SSBP2: variants seen among roughly 807,000 people sequenced by gnomAD.
SSBP2 encodes single stranded DNA binding protein 2.
SSBP2 carries 17 observed loss-of-function variants against 61.8 expected under a neutral mutation model. The ratio of observed to expected loss-of-function variants is 0.28; its 90% confidence interval spans 0.19 to 0.41. SSBP2 has a LOEUF of 0.41. Among genes scored for constraint, SSBP2 ranks in the 10% least tolerant of loss-of-function variants. SSBP2 has a pLI of 1.00. For synonymous variants in SSBP2, 139 were observed against 141.3 expected (o/e 0.98, Z 0.12); for missense variants, 310 against 458.7 (o/e 0.68, Z 2.96).
intron 9 of SSBP2, among the ~76,000 whole-genome samples, chr5:81,461,884 C>CTTT (rs1764570105): frequency 6.6e-6 from 1 of 152,164 alleles, no homozygotes; most frequent in Non-Finnish European, 1.5e-5. Flanking sequence ...CTCTTGTCCT[C>CTTT]ATACTTTAGT....
chr5:81,540,507 T>G (rs1361143947), intron 4 of SSBP2, among the ~76,000 whole-genome samples: 1 of 152,238 alleles, frequency 6.6e-6, no homozygotes, highest in African/African-American at 2.4e-5. Flanking sequence ...TGATAAGCTT[T>G]TTTTCATATG....
At chr5:81,727,852 C>T (rs1197637649) in intron 1 of SSBP2, among the ~76,000 whole-genome samples, 15 of 152,136 alleles carry the variant, frequency 9.9e-5, no homozygotes, top group Admixed American at 9.8e-4. Flanking sequence ...ACTAATTTCA[C>T]TTTGTGTTAC....
chr5:81,700,432 G>A (rs921765185), intron 1 of SSBP2, among the ~76,000 whole-genome samples: 1 of 152,206 alleles, frequency 6.6e-6, no homozygotes, highest in African/African-American at 2.4e-5. Flanking sequence ...ATAGTGCACA[G>A]GCAGAGTAGA....
chr5:81,636,498 A>G (rs1352136717), intron 3 of SSBP2, 59 bp downstream of exon 3: 2 of 1,277,074 alleles, frequency 1.6e-6, no homozygotes, highest in Non-Finnish European at 2.2e-6. Flanking sequence ...AAACAGGTAT[A>G]GTACAGGCCT....
At chr5:81,727,952 G>C (rs149680243) in intron 1 of SSBP2, among the ~76,000 whole-genome samples, 4 of 152,170 alleles carry the variant, frequency 2.6e-5, no homozygotes, top group African/African-American at 9.7e-5. Context: ...GAACCTGATA[G>C]ATCAAAAGAA....
intron 1 of SSBP2, among the ~76,000 whole-genome samples, chr5:81,686,867 AAAAAAGAAAAGAAAAGAAAAG>A (rs1291501755): frequency 0.039 from 3,330 of 85,890 alleles, 86 homozygotes; most frequent in Middle Eastern, 0.082. Context: ...AAAAAAAAAA[AAAAAAGAAAAGAAAAGAAAAG>A]AAAAGAAAAG....
chr5:81,627,050 A>C (rs902826567), intron 3 of SSBP2, among the ~76,000 whole-genome samples: 2 of 152,238 alleles, frequency 1.3e-5, no homozygotes, highest in Non-Finnish European at 2.9e-5. Flanking sequence ...ATTTTAAAAG[A>C]AGCTTAAAGG....
chr5:81,480,869 T>C (rs953099097), intron 6 of SSBP2, among the ~76,000 whole-genome samples: 9 of 152,258 alleles, frequency 5.9e-5, no homozygotes, highest in African/African-American at 2.2e-4. Flanking sequence ...TTTTATAAAC[T>C]AAGTTTGTGT....
rs1420963371 is a variant in SSBP2 at position 81,416,619 on chromosome 5, T to C, written c.*3885A>G. 3 of 152,204 alleles carry C rather than the reference T, an allele frequency of 2.0e-5. No individual in the cohort carries two copies. Among genetic ancestry groups the C allele is most frequent in the Non-Finnish European group, 4.4e-5 (3 of 68,050 alleles). 9.4% of individuals were successfully genotyped at this position (152,204 alleles called of 1,614,324 possible). On this transcript the variant is annotated 3_prime_UTR_variant, in exon 17 of 17. Coordinates refer to ENST00000320672, the MANE Select transcript of SSBP2 (RefSeq NM_012446.5). The stretch of plus-strand genomic sequence containing the variant: ...GGGACAATATGATGAAGAAAAGATA[T>C]AGACAGATGTGGGACTTCTTCATGC...
At chr5:81,586,275 G>A (rs1471106790) in intron 4 of SSBP2, among the ~76,000 whole-genome samples, 1 of 152,088 alleles carries the variant, frequency 6.6e-6, no homozygotes, top group African/African-American at 2.4e-5. Flanking sequence ...TGTACAGTAC[G>A]AGGGTTCCCT....
intron 15 of SSBP2, among the ~76,000 whole-genome samples, chr5:81,433,219 G>A (rs1762449036): frequency 6.6e-6 from 1 of 152,120 alleles, no homozygotes; most frequent in African/African-American, 2.4e-5. Context: ...GTGTCTGTGT[G>A]GAAAGAAGTA....
intron 3 of SSBP2, among the ~76,000 whole-genome samples, chr5:81,631,604 T>C (rs1472360638): frequency 6.6e-6 from 1 of 152,064 alleles, no homozygotes; most frequent in Admixed American, 6.5e-5. Flanking sequence ...CAATATTAAC[T>C]AGGATTTAAA....
intron 1 of SSBP2, 172 bp downstream of exon 1, chr5:81,750,809 G>A (rs1757713799): frequency 1.4e-6 from 1 of 723,058 alleles, no homozygotes; most frequent in Non-Finnish European, 2.2e-6. Flanking sequence ...GCACCTCCCG[G>A]GAAAGCGCAG....
chr5:81,710,655 T>C (rs1177493872), intron 1 of SSBP2: 1 of 452,430 alleles, frequency 2.2e-6, no homozygotes, highest in Non-Finnish European at 4.4e-6. Flanking sequence ...AAAAAGCACA[T>C]TTCCATAGAA....
intron 9 of SSBP2, among the ~76,000 whole-genome samples, chr5:81,462,583 T>C (rs981387930): frequency 1.3e-5 from 2 of 152,124 alleles, no homozygotes; most frequent in African/African-American, 4.8e-5. Flanking sequence ...AATTGTTGCC[T>C]CTCCAAGATG....
intron 1 of SSBP2, among the ~76,000 whole-genome samples, chr5:81,729,646 T>C (rs1487351432): frequency 6.6e-6 from 1 of 152,148 alleles, no homozygotes; most frequent in African/African-American, 2.4e-5. Context: ...GAGTATTAGG[T>C]TGTGATTCAT....
intron 2 of SSBP2, among the ~76,000 whole-genome samples, chr5:81,637,961 G>T (rs1425629541): frequency 6.6e-6 from 1 of 152,128 alleles, no homozygotes; most frequent in Non-Finnish European, 1.5e-5. Flanking sequence ...TAGGGACATG[G>T]ATGAAATTGG....
Position 81,533,186 on chromosome 5 carries a change from T to A in SSBP2, c.283-19469A>T, listed in dbSNP as rs145484485. ...AAAAGACAATATATACAAAGTATGTTATCTGACCATAATATAATTAAACTA... is the reference window on the plus strand; with the variant it reads ...AAAAGACAATATATACAAAGTATGTAATCTGACCATAATATAATTAAACTA... On this transcript the variant is annotated intron_variant, in intron 4 of 16. Coordinates refer to ENST00000320672, the MANE Select transcript of SSBP2 (RefSeq NM_012446.5). 4.7e-3 allele frequency among the ~76,000 whole-genome samples: 716 copies of A among 152,148 alleles called. 8 individuals carry two copies. The highest frequency in any genetic ancestry group is 0.016 in the African/African-American group (673 of 41,564).
intron 1 of SSBP2, among the ~76,000 whole-genome samples, chr5:81,719,959 G>C (rs2153967232): frequency 6.6e-6 from 1 of 152,216 alleles, no homozygotes; most frequent in African/African-American, 2.4e-5. Flanking sequence ...GTAGCTGGCA[G>C]TATGGGCTCT....
Sources: allele counts gnomAD v4.1 joint callset (sites outside exome capture counted in the v4.1 genomes callset), GRCh38; gene constraint gnomAD v4.1.1; transcripts MANE v1.5; gene names NCBI Gene and HGNC (gene_info 2026-07-23, HGNC 2026-07-21).